The following CADM2 variants were observed in gnomAD, a reference collection of about 807,000 sequenced individuals.
The protein encoded by CADM2 is cell adhesion molecule 2, also known as immunoglobulin superfamily member 4D.
A neutral mutation model predicts 49.8 loss-of-function variants in CADM2; 12 were observed. The observed-to-expected ratio is 0.24, with a 90% CI of 0.15 to 0.39. CADM2 has a LOEUF of 0.39. Among genes scored for constraint, CADM2 ranks in the 10% least tolerant of loss-of-function variants. The pLI, the probability that CADM2 is intolerant of heterozygous loss-of-function variation, is 1.00. For synonymous variants in CADM2, 214 were observed against 175.4 expected (o/e 1.22, Z -1.74); for missense variants, 378 against 492.3 (o/e 0.77, Z 2.20).
intron 8 of CADM2, among the ~76,000 whole-genome samples, chr3:85,995,952 T>C (rs1475454486): frequency 5.3e-5 from 8 of 151,638 alleles, no homozygotes; most frequent in African/African-American, 1.5e-4. Flanking sequence ...TAGCCAGGCG[T>C]GGTGGCGGTC....
chr3:85,816,631 T>C (rs2073223698), intron 3 of CADM2, among the ~76,000 whole-genome samples: 1 of 152,164 alleles, frequency 6.6e-6, no homozygotes, highest in African/African-American at 2.4e-5. Flanking sequence ...GTTTTTCAAA[T>C]ATCATTACAT....
intron 1 of CADM2, among the ~76,000 whole-genome samples, chr3:85,579,973 T>A (rs1428416176): frequency 6.6e-6 from 1 of 152,176 alleles, no homozygotes; most frequent in Non-Finnish European, 1.5e-5. Flanking sequence ...TGACACAGAT[T>A]TCTTGTTCTA....
intron 8 of CADM2, among the ~76,000 whole-genome samples, chr3:86,045,210 TA>T (rs371132011): frequency 0.036 from 5,240 of 147,486 alleles, 176 homozygotes; most frequent in African/African-American, 0.086. Flanking sequence ...CGTATAATAA[TA>T]AAAAAAAAAG....
intron 1 of CADM2, among the ~76,000 whole-genome samples, chr3:85,001,067 G>T (rs1011642206): frequency 2.6e-5 from 4 of 152,006 alleles, no homozygotes; most frequent in African/African-American, 9.7e-5. Context: ...TAGATAACTT[G>T]TTCAGTTGTT....
intron 1 of CADM2, among the ~76,000 whole-genome samples, chr3:85,346,201 G>T (rs543276435): frequency 6.6e-6 from 1 of 152,242 alleles, no homozygotes; most frequent in South Asian, 2.1e-4. Flanking sequence ...CTTAAATAAG[G>T]CATTGAACCC....
intron 7 of CADM2, among the ~76,000 whole-genome samples, chr3:85,942,822 T>A (rs535114219): frequency 6.6e-6 from 1 of 152,204 alleles, no homozygotes; most frequent in Admixed American, 6.6e-5. Flanking sequence ...TATAGCAGCA[T>A]AATTTATAGT....
At chr3:85,385,324 A>G (rs78234495) in intron 1 of CADM2, among the ~76,000 whole-genome samples, 2,604 of 152,196 alleles carry the variant, frequency 0.017, 175 homozygotes, top group East Asian at 0.11. Context: ...TTCAAAACAG[A>G]AAAAAATATA....
At chr3:85,412,008 A>ATTTTTTATATTTTTTATTTTCTTG (rs2035678274) in intron 1 of CADM2, among the ~76,000 whole-genome samples, 1 of 152,008 alleles carries the variant, frequency 6.6e-6, no homozygotes, top group Admixed American at 6.6e-5. Flanking sequence ...TTATATTTTC[A>ATTTTTTATATTTTTTATTTTCTTG]GTAGAGACCA....
chr3:85,359,666 A>ATATTTTTTTTTTTTT, intron 1 of CADM2, among the ~76,000 whole-genome samples: 10 of 26,556 alleles, frequency 3.8e-4, no homozygotes, highest in Admixed American at 5.8e-4. Context: ...ATATATATAT[A>ATATTTTTTTTTTTTT]TTTTTTTTTT....
At chr3:85,886,762 C>T (rs1047381407) in intron 5 of CADM2, among the ~76,000 whole-genome samples, 1 of 152,086 alleles carries the variant, frequency 6.6e-6, no homozygotes, top group Non-Finnish European at 1.5e-5. Context: ...ACTGGTTAAA[C>T]ATCAATAAAT....
intron 1 of CADM2, among the ~76,000 whole-genome samples, chr3:85,493,310 C>T (rs1433910448): frequency 6.6e-6 from 1 of 152,050 alleles, no homozygotes; most frequent in Non-Finnish European, 1.5e-5. Flanking sequence ...TATTATTCCC[C>T]AATGTGTTCA....
At chr3:86,009,470 C>A (rs1041988463) in intron 8 of CADM2, among the ~76,000 whole-genome samples, 1 of 151,476 alleles carries the variant, frequency 6.6e-6, no homozygotes, top group East Asian at 1.9e-4. Flanking sequence ...GGAGTGCCAG[C>A]ACCCTCTACT....
intron 8 of CADM2, among the ~76,000 whole-genome samples, chr3:86,002,959 C>G (rs538228823): frequency 6.6e-6 from 1 of 152,214 alleles, no homozygotes; most frequent in African/African-American, 2.4e-5. Flanking sequence ...TAAAGCAATG[C>G]TATGTATTAT....
Position 85,488,980 on chromosome 3 carries a change from T to C in CADM2, c.62-237542T>C, listed in dbSNP as rs181798904. 2.0e-3 allele frequency among the ~76,000 whole-genome samples: 305 copies of C among 152,262 alleles called. 1 individual carries two copies. Among genetic ancestry groups the C allele is most frequent in the African/African-American group, 6.8e-3 (281 of 41,558 alleles). ...TTCCTATGCATCACTACTAAAATTA[T>C]TTTTTCCATATACTGTGTATATTTA... On this transcript the variant is annotated intron_variant, in intron 1 of 9. Coordinates refer to ENST00000383699, the MANE Select transcript of CADM2 (RefSeq NM_001167675.2).
chr3:85,324,953 T>G (rs2044707847), intron 1 of CADM2, among the ~76,000 whole-genome samples: 2 of 152,318 alleles, frequency 1.3e-5, no homozygotes, highest in East Asian at 3.9e-4. Flanking sequence ...CTGCAAGGCC[T>G]TGCCCTCTGC....
Position 85,147,118 on chromosome 3 carries a change from C to G in CADM2, c.61+187450C>G, listed in dbSNP as rs147614454. Among the ~76,000 whole-genome samples, 753 of 151,610 alleles carry G rather than the reference C, an allele frequency of 5.0e-3. 5 individuals carry two copies. Among genetic ancestry groups the G allele is most frequent in the African/African-American group, 0.017 (717 of 41,386 alleles). On this transcript the variant is annotated intron_variant, in intron 1 of 9. Transcript: ENST00000383699. ...TGAAACCTCGTCTCTACTAAAAATA[C>G]AAGAAAATTAGCCGGGCATGGTGGC... is the stretch of plus-strand genomic sequence containing the variant.
At chr3:85,201,378 A>G (rs1050105496) in intron 1 of CADM2, among the ~76,000 whole-genome samples, 12 of 152,206 alleles carry the variant, frequency 7.9e-5, no homozygotes, top group African/African-American at 2.9e-4. Context: ...TTAATTAGAA[A>G]TACTTTATTA....
intron 1 of CADM2, among the ~76,000 whole-genome samples, chr3:85,689,162 G>A (rs2107676199): frequency 6.6e-6 from 1 of 152,206 alleles, no homozygotes; most frequent in Admixed American, 6.5e-5. Context: ...TGCTGAAAAG[G>A]GAATGCATAT....
intron 2 of CADM2, among the ~76,000 whole-genome samples, chr3:85,783,356 G>A (rs1004802737): frequency 1.3e-5 from 2 of 152,182 alleles, no homozygotes; most frequent in Non-Finnish European, 2.9e-5. Context: ...ATAAGTGTAT[G>A]CCTTACTTCT....
Sources: gnomAD v4.1 joint callset for allele counts (sites outside exome capture counted in the v4.1 genomes callset) on GRCh38, gnomAD v4.1.1 for gene constraint, MANE v1.5 for transcripts, NCBI Gene and HGNC (gene_info 2026-07-23, HGNC 2026-07-21) for gene names.